Variants in PCDHGB3 observed in about 807,000 individuals in gnomAD.
PCDHGB3 encodes the protein protocadherin gamma-B3.
PCDHGB3 carries 40 observed loss-of-function variants against 59.2 expected under a neutral mutation model. The observed-to-expected ratio is 0.68, with a 90% confidence interval of 0.52 to 0.88. The LOEUF (loss-of-function observed/expected upper bound fraction) is 0.88. PCDHGB3 is among the 40% of genes least tolerant of loss of function. The probability of loss-of-function intolerance (pLI) is 0.00; values close to 1 mark genes in which losing one functional copy is unlikely to be tolerated. For synonymous variants in PCDHGB3, 581 were observed against 503.6 expected, an observed-to-expected ratio of 1.15 and a Z score of -2.06; for missense variants, 1,309 against 1,187.9, an observed-to-expected ratio of 1.10 and a Z score of -1.50.
intron 1 of PCDHGB3, among the ~76,000 whole-genome samples, chr5:141,437,668 G>T (rs72790049): frequency 3.1e-4 from 47 of 151,868 alleles, no homozygotes; most frequent in Non-Finnish European, 6.0e-4. Context: ...TCGAAGAGAT[G>T]TTGATCAAAC....
chr5:141,505,614 A>G (rs2154593732), intron 3 of PCDHGB3, 133 bp downstream of exon 3: 1 of 1,510,758 alleles, frequency 6.6e-7, no homozygotes, highest in Non-Finnish European at 8.9e-7. Context: ...GTCTGAAAGG[A>G]CCCACAATTC....
chr5:141,457,058 T>C (rs756862311), intron 1 of PCDHGB3, among the ~76,000 whole-genome samples: 1 of 152,230 alleles, frequency 6.6e-6, no homozygotes, highest in South Asian at 2.1e-4. Flanking sequence ...TCATGCTTCC[T>C]TTTTGCCAGT....
At chr5:141,399,911 G>T in intron 1 of PCDHGB3, 1 of 1,612,384 alleles carries the variant, frequency 6.2e-7, no homozygotes. Flanking sequence ...GCAGACTCAG[G>T]ACACAACGCC....
chr5:141,385,620 T>G (rs2090301137), intron 1 of PCDHGB3: 1 of 1,063,712 alleles, frequency 9.4e-7, no homozygotes, highest in Middle Eastern at 3.9e-4. Flanking sequence ...TTTTATACAT[T>G]GGAATGAATC....
rs763001349 is a variant in PCDHGB3 at position 141,398,988 on chromosome 5, C to A, written c.2415+26179C>A. 1.9e-6 allele frequency: 3 copies of A among 1,613,832 alleles called. No homozygotes were observed. The African/African-American group carries it at 4.0e-5, about 22-fold the overall frequency. On this transcript the variant is annotated intron_variant, in intron 1 of 3. Coordinates refer to ENST00000576222, the MANE Select transcript of PCDHGB3 (RefSeq NM_018924.5). Reference sequence around the variant, plus strand: ...ATTCCTTCTACAGAACCGGGCAAATCTTTAGTCTGAATTCAAAGAGCGGAG... The same window carrying A: ...ATTCCTTCTACAGAACCGGGCAAATATTTAGTCTGAATTCAAAGAGCGGAG...
intron 1 of PCDHGB3, among the ~76,000 whole-genome samples, chr5:141,379,889 CTTTTTTTTTTTT>C (rs70988800): frequency 3.0e-4 from 15 of 50,832 alleles, no homozygotes; most frequent in South Asian, 9.2e-4. Flanking sequence ...GTGAAAGCCT[CTTTTTTTTTTTT>C]TTTTTTTTTT....
In PCDHGB3 at chr5:141,472,980, C is replaced by CAAAA. The variant is rs60579131; in HGVS notation, c.2416-21813_2416-21810dup. ...CAGCCTGGGGAACAAGAGTGAAACT[C>CAAAA]AAAAAAAAAAAAAAAAAGAAAGAAA... On this transcript the variant is annotated intron_variant, in intron 1 of 3. Transcript: ENST00000576222. 5.5e-3 allele frequency among the ~76,000 whole-genome samples: 472 copies of CAAAA among 85,978 alleles called. 4 individuals carry two copies. The highest frequency in any genetic ancestry group is 0.013 in the Admixed American group (104 of 8,158). The allele number at this position is 85,978 out of a possible 152,430, so 56.4% of individuals were successfully genotyped here. A position where few individuals can be genotyped will look rare whatever the true frequency, so the allele number is the denominator to read the frequency against.
At chr5:141,398,850 A>G in intron 1 of PCDHGB3, 20 of 1,613,982 alleles carry the variant, frequency 1.2e-5, no homozygotes, top group Non-Finnish European at 1.6e-5. Flanking sequence ...ATCCCCCGGT[A>G]TTCAACCGAG....
intron 1 of PCDHGB3, among the ~76,000 whole-genome samples, chr5:141,444,395 T>A (rs960583048): frequency 1.3e-5 from 2 of 151,996 alleles, no homozygotes; most frequent in Non-Finnish European, 2.9e-5. Context: ...AGTCTTGAAC[T>A]CCCAACCTCA....
chr5:141,399,797 G>C lies in PCDHGB3; in HGVS notation c.2415+26988G>C, dbSNP rs760211919. On this transcript the variant is annotated intron_variant, in intron 1 of 3. Coordinates refer to ENST00000576222, the MANE Select transcript of PCDHGB3 (RefSeq NM_018924.5). ...GGCGACCGAAACGACAACGCACCGC[G>C]GGTGCTGTACCCCGCGCTGGGTCCC... 4.3e-6 allele frequency: 7 copies of C among 1,613,192 alleles called. No homozygotes were observed. In the South Asian group the frequency reaches 7.7e-5, roughly 18 times the overall value.
chr5:141,408,670 T>G, intron 1 of PCDHGB3: 1 of 1,614,008 alleles, frequency 6.2e-7, no homozygotes, highest in Non-Finnish European at 8.5e-7. Context: ...CGCTTGACCC[T>G]GCCACGGATC....
intron 1 of PCDHGB3, among the ~76,000 whole-genome samples, chr5:141,407,218 G>A (rs1056826116): frequency 1.3e-5 from 2 of 152,108 alleles, no homozygotes; most frequent in Admixed American, 6.5e-5. Flanking sequence ...CCTTAAGTGG[G>A]TAGCAAAAAA....
chr5:141,402,760 G>A (rs2094303871), intron 1 of PCDHGB3, among the ~76,000 whole-genome samples: 1 of 152,176 alleles, frequency 6.6e-6, no homozygotes, highest in African/African-American at 2.4e-5. Flanking sequence ...CGAAAATCAG[G>A]ACTCCATCCG....
At position 141,371,551 on chromosome 5, in the gene PCDHGB3, TA is replaced by T; in HGVS notation, c.1161del (p.Gly388GlufsTer18). The stretch of plus-strand genomic sequence containing the variant: ...TTTAATGGAGAAATCCTATGCCAAC[TA>T]AAAGGAAACTTCCCCTTTAAAATCG... ...SGFNGEILCQ[L>X]KGNFPFKIVQ... On this transcript the variant is annotated frameshift_variant, in exon 1 of 4. Coordinates refer to ENST00000576222, the MANE Select transcript of PCDHGB3 (RefSeq NM_018924.5). LOFTEE classifies it high-confidence loss of function. 6.2e-7 allele frequency: 1 copy of T among 1,613,822 alleles called. No individual in the cohort carries two copies. The highest frequency in any genetic ancestry group is 8.5e-7 in the Non-Finnish European group (1 of 1,179,778).
Position 141,491,504 on chromosome 5 carries a change from G to T in PCDHGB3, c.2416-3303G>T. 6.2e-7 allele frequency: 1 copy of T among 1,614,048 alleles called. No homozygotes were observed. The highest frequency in any genetic ancestry group is 2.2e-5 in the East Asian group (1 of 44,876). Reference sequence around the variant, plus strand: ...CCCAACCTGCAGGTGAGCTCGGACGGCACGCTCAAGTACATGGAGGTGACG... The same window carrying T: ...CCCAACCTGCAGGTGAGCTCGGACGTCACGCTCAAGTACATGGAGGTGACG... On this transcript the variant is annotated intron_variant, in intron 1 of 3. Transcript: ENST00000576222. The surrounding 1 kb of genome is among the most constrained non-coding windows in gnomAD (Gnocchi z 6.9).
intron 2 of PCDHGB3, among the ~76,000 whole-genome samples, chr5:141,497,920 C>T (rs548251626): frequency 6.6e-6 from 1 of 152,336 alleles, no homozygotes; most frequent in East Asian, 1.9e-4. Flanking sequence ...CTCCTTCATT[C>T]ATTCAACAAA....
At chr5:141,478,019 C>T in intron 1 of PCDHGB3, 1 of 1,614,136 alleles carries the variant, frequency 6.2e-7, no homozygotes, top group Non-Finnish European at 8.5e-7. Flanking sequence ...CCGTCCAGTC[C>T]AAGACACAGA....
intron 1 of PCDHGB3, among the ~76,000 whole-genome samples, chr5:141,482,498 T>G (rs1226516612): frequency 1.5e-5 from 2 of 135,390 alleles, no homozygotes; most frequent in African/African-American, 3.0e-5. Context: ...GTTATCATTC[T>G]GGTACCCAGA....
At chr5:141,497,212 G>C (rs968445663) in intron 2 of PCDHGB3, among the ~76,000 whole-genome samples, 2 of 151,018 alleles carry the variant, frequency 1.3e-5, no homozygotes, top group East Asian at 3.9e-4. Context: ...AGTGTAATGG[G>C]GGGGGGAAGA....
Sources: allele counts gnomAD v4.1 joint callset (sites outside exome capture counted in the v4.1 genomes callset), GRCh38; gene constraint gnomAD v4.1.1; non-coding constraint Gnocchi (gnomAD v3.1); transcripts MANE v1.5; gene names NCBI Gene and HGNC (gene_info 2026-07-23, HGNC 2026-07-21).